Variants in BRCA2 observed in about 807,000 individuals in gnomAD.
BRCA2 encodes the protein breast cancer type 2 susceptibility protein.
Under a neutral mutation model 276.7 loss-of-function variants are expected in BRCA2, and 203 were observed. The observed-to-expected ratio is 0.73, with a 90% CI of 0.65 to 0.82. The LOEUF is 0.82. BRCA2 is among the 40% of genes least tolerant of loss of function. The probability of loss-of-function intolerance (pLI) is 0.00; values close to 1 mark genes in which losing one functional copy is unlikely to be tolerated. For missense variants in BRCA2, 3,920 were observed against 3,915.0 expected, an observed-to-expected ratio of 1.00 and a Z score of -0.03; for synonymous variants, 1,289 against 1,338.4, an observed-to-expected ratio of 0.96 and a Z score of 0.81.
Position 32,363,225 on chromosome 13 carries a change from A to C in BRCA2, c.8023A>C (p.Ile2675Leu), listed in dbSNP as rs397507954. Residue 2675 changes from isoleucine to leucine, a missense_variant, in exon 18 of 27, where the codon ATA becomes CTA. Ile to Leu is a conservative substitution (Grantham distance 5). Around this residue, in one of 2 missense-constraint regions of BRCA2, gnomAD observed 3,263 missense variants for 3,156.9 expected, o/e 1.03. Transcript: ENST00000380152. Reference protein sequence around the residue: ...DRSRRSAIKKIMERDDTAAKT... With the variant: ...DRSRRSAIKKLMERDDTAAKT... ...AAGCAGAAGATCGGCTATAAAAAAG[A>C]TAATGGAAAGGGATGACACAGCTGC... is the stretch of plus-strand genomic sequence containing the variant. 1 of 1,614,050 alleles carries C rather than the reference A, an allele frequency of 6.2e-7. No homozygotes were observed. The highest frequency in any genetic ancestry group is 8.5e-7 in the Non-Finnish European group (1 of 1,179,988).
Position 32,339,557 on chromosome 13 carries a change from A to C in BRCA2, c.5202A>C (p.Glu1734Asp), listed in dbSNP as rs1243093278. The C allele has an allele frequency of 6.2e-7, 1 of 1,608,138 alleles. No homozygotes were observed. Among genetic ancestry groups the C allele is most frequent in the Non-Finnish European group, 8.5e-7 (1 of 1,176,678 alleles). Residue 1734 changes from glutamate to aspartate, a missense_variant, in exon 11 of 27, where the codon GAA becomes GAC. Around this residue, in one of 2 missense-constraint regions of BRCA2, gnomAD observed 3,263 missense variants for 3,156.9 expected, o/e 1.03. Transcript: ENST00000380152. ...AAAATGACAAAAATCATCTCTCCGA[A>C]AAACAAGATACTTATTTAAGTAACA... ...IAENDKNHLS[E>D]KQDTYLSNSS...
rs431825287 is a variant in BRCA2, at chr13:32,333,258, A to T, written c.1780A>T (p.Ile594Leu). ...KKKTNKFIYA[I>L]HDETSYKGKK... ...GAAAACAAATAAGTTTATTTATGCT[A>T]TACATGATGAAACATCTTATAAAGG... Residue 594 changes from isoleucine to leucine, a missense_variant, in exon 10 of 27, where the codon ATA becomes TTA. Physicochemically the swap from Ile to Leu is conservative, Grantham distance 5. This residue lies in a region of BRCA2 where 3,263 missense variants were observed against 3,156.9 expected (regional missense o/e 1.03). Transcript: ENST00000380152. The T allele has an allele frequency of 1.9e-6, 3 of 1,609,914 alleles. No individual in the cohort carries two copies. The highest frequency in any genetic ancestry group is 2.5e-6 in the Non-Finnish European group (3 of 1,178,222).
chr13:32,380,724 T>C (rs2072919374), intron 24 of BRCA2, among the ~76,000 whole-genome samples: 1 of 151,938 alleles, frequency 6.6e-6, no homozygotes. Context: ...GTATTTTTAG[T>C]AGAGTCGGGG....
chr13:32,396,761 C>CA, intron 25 of BRCA2, 137 bp from the exon 26 acceptor site: 1 of 1,066,806 alleles, frequency 9.4e-7, no homozygotes. Flanking sequence ...GCATGTTTGA[C>CA]AATTGGTATC....
intron 18 of BRCA2, among the ~76,000 whole-genome samples, chr13:32,369,122 A>G (rs1319987087): frequency 6.6e-6 from 1 of 151,954 alleles, no homozygotes; most frequent in African/African-American, 2.4e-5. Context: ...TTTGTTTTCA[A>G]TAATAGCATC....
intron 24 of BRCA2, among the ~76,000 whole-genome samples, chr13:32,389,890 TC>T (rs2072985541): frequency 6.6e-6 from 1 of 152,208 alleles, no homozygotes; most frequent in Non-Finnish European, 1.5e-5. Context: ...AGGTAAAGAT[TC>T]TTCAGATTTA....
intron 10 of BRCA2, among the ~76,000 whole-genome samples, chr13:32,334,220 A>G (rs756609180): frequency 2.2e-4 from 34 of 152,212 alleles, no homozygotes; most frequent in Non-Finnish European, 4.7e-4. Context: ...CGGTTGAACT[A>G]ATTTACATTC....
intron 19 of BRCA2, 93 bp downstream of exon 19, chr13:32,370,650 C>T: frequency 1.4e-6 from 2 of 1,382,326 alleles, no homozygotes; most frequent in South Asian, 2.4e-5. Flanking sequence ...GTCTCTTGCC[C>T]AGGCTGGAGT....
intron 24 of BRCA2, among the ~76,000 whole-genome samples, chr13:32,383,376 T>C (rs1025545748): frequency 8.6e-5 from 13 of 151,368 alleles, no homozygotes; most frequent in African/African-American, 2.7e-4. Flanking sequence ...AAGAAAAGGG[T>C]GTTGAAGGTT....
At position 32,398,634 on chromosome 13, in the gene BRCA2, C is replaced by T. The variant is rs56309455; in HGVS notation, c.10121C>T (p.Thr3374Ile). 1.2e-4 allele frequency: 201 copies of T among 1,614,182 alleles called. 1 individual carries two copies. The African/African-American group carries it at 2.3e-3, about 18-fold the overall frequency. Residue 3374 changes from threonine to isoleucine, a missense_variant, in exon 27 of 27, where the codon ACC (threonine) becomes ATC (isoleucine). Coordinates refer to ENST00000380152, the MANE Select transcript of BRCA2 (RefSeq NM_000059.4). The stretch of plus-strand genomic sequence containing the variant: ...AGTGAATCCACTAGGACTGCTCCCA[C>T]CAGTTCAGAAGATTATCTCAGACTG... ...SVSESTRTAP[T>I]SSEDYLRLKR...
intron 24 of BRCA2, among the ~76,000 whole-genome samples, chr13:32,380,401 A>G (rs2072916424): frequency 6.6e-6 from 1 of 151,894 alleles, no homozygotes; most frequent in Admixed American, 6.6e-5. Flanking sequence ...ATTTTCTGCA[A>G]TTTATGTTTT....
Position 32,340,656 on chromosome 13 carries a change from A to C in BRCA2, c.6301A>C (p.Asn2101His), listed in dbSNP as rs1430866716. 5.0e-6 allele frequency: 8 copies of C among 1,607,070 alleles called. No homozygotes were observed. Among genetic ancestry groups the C allele is most frequent in the Non-Finnish European group, 5.9e-6 (7 of 1,178,234 alleles). ...SLHYSPTSRQ[N>H]VSKILPRVDK... Reference sequence around the variant, plus strand: ...TCACTATTCACCTACGTCTAGACAAAATGTATCAAAAATACTTCCTCGTGT... The same window carrying C: ...TCACTATTCACCTACGTCTAGACAACATGTATCAAAAATACTTCCTCGTGT... The change falls in exon 11 of 27, where the codon AAT (asparagine) becomes CAT (histidine). Residue 2101 changes from asparagine to histidine, a missense_variant. Around this residue, in one of 2 missense-constraint regions of BRCA2, gnomAD observed 3,263 missense variants for 3,156.9 expected, o/e 1.03. Transcript: ENST00000380152.
Position 32,326,582 on chromosome 13 carries a change from ACCAC to A in BRCA2, c.607_610del (p.Thr203LeufsTer7). On this transcript the variant is annotated frameshift_variant, in exon 7 of 27. Coordinates refer to ENST00000380152, the MANE Select transcript of BRCA2 (RefSeq NM_000059.4). LOFTEE classifies it high-confidence loss of function. ...TGTCTTGGTCAAGTTCTTTAGCTAC[ACCAC>A]CCACCCTTAGTTCTACTGTGCTCAT... 6.2e-7 allele frequency: 1 copy of A among 1,611,674 alleles called. No individual in the cohort carries two copies.
At chr13:32,342,594 T>C (rs2072580176) in intron 11 of BRCA2, among the ~76,000 whole-genome samples, 1 of 152,214 alleles carries the variant, frequency 6.6e-6, no homozygotes, top group African/African-American at 2.4e-5. Context: ...CTAGGTGGTA[T>C]AGCCTACTAT....
chr13:32,370,882 T>C (rs1593930798), intron 19 of BRCA2, 74 bp from the exon 20 acceptor site: 1 of 1,581,014 alleles, frequency 6.3e-7, no homozygotes, highest in South Asian at 1.1e-5. Flanking sequence ...TGTGAGCCAC[T>C]GTGCCTGGCC....
chr13:32,326,218 A>G (rs768171277), intron 5 of BRCA2, 24 bp from the exon 6 acceptor site: 3 of 1,612,808 alleles, frequency 1.9e-6, no homozygotes, highest in South Asian at 1.1e-5. Context: ...AAACTTAACA[A>G]TTTTCCCCTT....
At position 32,340,253 on chromosome 13, in the gene BRCA2, T is replaced by C. The variant is rs1593906863; in HGVS notation, c.5898T>C (p.His1966=). 1 of 1,614,040 alleles carries C rather than the reference T, an allele frequency of 6.2e-7. No individual in the cohort carries two copies. The change falls in exon 11 of 27, where the codon CAT becomes CAC. Residue 1966 remains histidine (H), a synonymous_variant. Coordinates refer to ENST00000380152, the MANE Select transcript of BRCA2 (RefSeq NM_000059.4). ...DICKCSIGKL[H]KSVSSANTCG... ...GTAAATGTAGTATAGGGAAGCTTCA[T>C]AAGTCAGTCTCATCTGCAAATACTT...
chr13:32,333,354 G>A lies in BRCA2; in HGVS notation c.1876G>A (p.Glu626Lys), dbSNP rs1566224551. ...AGCCCAGTTTGAAGCAAATGCTTTT[G>A]AAGCACCACTTACATTTGCAAATGC... ...CSAQFEANAFEAPLTFANADS... is the reference protein window; with the variant it reads ...CSAQFEANAFKAPLTFANADS... The change falls in exon 10 of 27, where the codon GAA (glutamate) becomes AAA (lysine). Residue 626 changes from glutamate to lysine, a missense_variant. Physicochemically the swap from Glu to Lys is moderately conservative, Grantham distance 56. Coordinates refer to ENST00000380152, the MANE Select transcript of BRCA2 (RefSeq NM_000059.4). The A allele has an allele frequency of 6.2e-7, 1 of 1,607,796 alleles. No homozygotes were observed. The highest frequency in any genetic ancestry group is 8.5e-7 in the Non-Finnish European group (1 of 1,178,816).
intron 25 of BRCA2, 117 bp downstream of exon 25, chr13:32,395,050 T>C: frequency 7.1e-7 from 1 of 1,405,892 alleles, no homozygotes; most frequent in Non-Finnish European, 9.8e-7. Context: ...TGAGGTAAAG[T>C]TTAATCATAT....
Sources: allele counts gnomAD v4.1 joint callset (sites outside exome capture counted in the v4.1 genomes callset), GRCh38; gene constraint gnomAD v4.1.1; regional missense constraint gnomAD v4.1.1; transcripts MANE v1.5; gene names NCBI Gene and HGNC (gene_info 2026-07-23, HGNC 2026-07-21).